Variants in EPHA5 observed in about 807,000 individuals in gnomAD.
The protein encoded by EPHA5 is ephrin type-A receptor 5.
In EPHA5, 60 loss-of-function variants were observed where a neutral mutation model predicts 105.0. The observed-to-expected ratio is 0.57, with a 90% CI of 0.46 to 0.71. EPHA5 has a LOEUF of 0.71. EPHA5 is among the 30% of genes least tolerant of loss of function. EPHA5 has a pLI of 0.00. For synonymous variants in EPHA5, 513 were observed against 449.1 expected (o/e 1.14, Z -1.80); for missense variants, 1,218 against 1,274.7 (o/e 0.96, Z 0.68).
chr4:65,386,149 C>T (rs1720060217), intron 8 of EPHA5, among the ~76,000 whole-genome samples: 1 of 151,868 alleles, frequency 6.6e-6, no homozygotes, highest in Non-Finnish European at 1.5e-5. Flanking sequence ...AATAATATAG[C>T]TCTGTTCTGT....
At chr4:65,578,909 A>G (rs1048461241) in intron 3 of EPHA5, among the ~76,000 whole-genome samples, 2 of 152,104 alleles carry the variant, frequency 1.3e-5, no homozygotes, top group South Asian at 2.1e-4. Flanking sequence ...GTAAAATGCT[A>G]AAGACCGCTA....
intron 2 of EPHA5, among the ~76,000 whole-genome samples, chr4:65,610,533 T>C (rs541420182): frequency 6.6e-6 from 1 of 151,880 alleles, no homozygotes; most frequent in East Asian, 1.9e-4. Flanking sequence ...AATAGAAGAA[T>C]AAACAAATTA....
At chr4:65,481,576 T>C (rs1730367493) in intron 5 of EPHA5, among the ~76,000 whole-genome samples, 1 of 152,216 alleles carries the variant, frequency 6.6e-6, no homozygotes, top group Non-Finnish European at 1.5e-5. Context: ...GAAAGCAATA[T>C]TCTTTCTGAC....
chr4:65,468,942 G>A (rs938498808), intron 5 of EPHA5, among the ~76,000 whole-genome samples: 13 of 151,968 alleles, frequency 8.6e-5, no homozygotes, highest in South Asian at 2.1e-4. Context: ...GCCCTGTGGA[G>A]TTCCATGGGG....
chr4:65,510,689 A>G (rs145267096), intron 3 of EPHA5, among the ~76,000 whole-genome samples: 1 of 152,310 alleles, frequency 6.6e-6, no homozygotes, highest in Non-Finnish European at 1.5e-5. Context: ...TGATTTGGCA[A>G]TGGTCATTGA....
chr4:65,547,431 A>G (rs1369318570), intron 3 of EPHA5, among the ~76,000 whole-genome samples: 1 of 151,958 alleles, frequency 6.6e-6, no homozygotes, highest in Non-Finnish European at 1.5e-5. Flanking sequence ...GTCAATATAC[A>G]TTGACTGAGC....
At chr4:65,660,034 TAC>T (rs2149547534) in intron 1 of EPHA5, among the ~76,000 whole-genome samples, 1 of 152,252 alleles carries the variant, frequency 6.6e-6, no homozygotes, top group African/African-American at 2.4e-5. Context: ...TGAATTTCTA[TAC>T]AGACTCTACA....
chr4:65,470,161 A>T (rs1447964932), intron 5 of EPHA5, among the ~76,000 whole-genome samples: 1 of 151,700 alleles, frequency 6.6e-6, no homozygotes, highest in Non-Finnish European at 1.5e-5. Flanking sequence ...GTAACTGAAG[A>T]AGTCTGTGAA....
At chr4:65,625,522 A>G (rs1746059491) in intron 2 of EPHA5, among the ~76,000 whole-genome samples, 1 of 152,150 alleles carries the variant, frequency 6.6e-6, no homozygotes, top group Non-Finnish European at 1.5e-5. Flanking sequence ...CAAACATTTA[A>G]ACACTGTTTA....
In EPHA5 at chr4:65,602,146, C is replaced by T. The variant is rs2149440999; in HGVS notation, c.405G>A (p.Arg135=). The T allele has an allele frequency of 1.2e-6, 2 of 1,614,002 alleles. No homozygotes were observed. The highest frequency in any genetic ancestry group is 1.1e-5 in the South Asian group (1 of 91,078). ...GTCCTCCAGGAAGGCTGTTGCAGTC[C>T]CGCAGGGTAAATTTGAGTTCTATGA... is the stretch of plus-strand genomic sequence containing the variant. ...RIFIELKFTL[R]DCNSLPGGLG... Residue 135 remains arginine (R), a synonymous_variant, in exon 3 of 17, where the codon CGG becomes CGA. Coordinates refer to ENST00000613740, the MANE Select transcript of EPHA5 (RefSeq NM_001281766.3).
At chr4:65,471,273 T>A (rs1024606459) in intron 5 of EPHA5, among the ~76,000 whole-genome samples, 1 of 152,226 alleles carries the variant, frequency 6.6e-6, no homozygotes, top group Non-Finnish European at 1.5e-5. Context: ...TTCTTTCTGA[T>A]GGATACCAAT....
chr4:65,431,479 A>G (rs1336311110), intron 5 of EPHA5, among the ~76,000 whole-genome samples: 1 of 152,158 alleles, frequency 6.6e-6, no homozygotes, highest in Non-Finnish European at 1.5e-5. Flanking sequence ...CCTTATTTGT[A>G]CCAGCACATT....
At chr4:65,498,149 A>G (rs1417857689) in intron 3 of EPHA5, among the ~76,000 whole-genome samples, 3 of 152,000 alleles carry the variant, frequency 2.0e-5, no homozygotes, top group African/African-American at 7.2e-5. Flanking sequence ...GCAAAGGACC[A>G]CATGAGGTGG....
chr4:65,411,666 A>C (rs929211413), intron 7 of EPHA5, among the ~76,000 whole-genome samples: 3 of 152,200 alleles, frequency 2.0e-5, no homozygotes, highest in African/African-American at 7.2e-5. Context: ...AAATGTACAT[A>C]AAGAATTAAA....
intron 1 of EPHA5, 23 bp from the exon 2 acceptor site, chr4:65,643,450 C>T: frequency 6.3e-7 from 1 of 1,594,156 alleles, no homozygotes; most frequent in Non-Finnish European, 8.6e-7. Flanking sequence ...GAACAAAAAA[C>T]TCAGTGAAAT....
chr4:65,626,024 C>T (rs1339715859), intron 2 of EPHA5, among the ~76,000 whole-genome samples: 1 of 151,376 alleles, frequency 6.6e-6, no homozygotes, highest in African/African-American at 2.4e-5. Context: ...TGACATGAAC[C>T]CGGGAGGCGG....
intron 7 of EPHA5, among the ~76,000 whole-genome samples, chr4:65,409,797 T>C (rs1040085117): frequency 1.5e-4 from 23 of 152,148 alleles, no homozygotes; most frequent in African/African-American, 4.8e-4. Context: ...GGCAAATAAG[T>C]GCATGAAAAG....
chr4:65,412,443 A>G (rs1050793182), intron 7 of EPHA5, among the ~76,000 whole-genome samples: 3 of 152,150 alleles, frequency 2.0e-5, no homozygotes, highest in African/African-American at 7.2e-5. Flanking sequence ...AATATTATAC[A>G]TAAAGATCAA....
intron 1 of EPHA5, among the ~76,000 whole-genome samples, chr4:65,650,049 A>T (rs1748456617): frequency 6.6e-6 from 1 of 152,230 alleles, no homozygotes; most frequent in African/African-American, 2.4e-5. Context: ...AAATAATCAC[A>T]TAAATCCATT....
Sources: allele counts gnomAD v4.1 joint callset (sites outside exome capture counted in the v4.1 genomes callset), GRCh38; gene constraint gnomAD v4.1.1; transcripts MANE v1.5; gene names NCBI Gene and HGNC (gene_info 2026-07-23, HGNC 2026-07-21).